The following ACAP2 variants were observed in gnomAD, a reference collection of about 807,000 sequenced individuals.
ACAP2 encodes arf-GAP with coiled-coil, ANK repeat and PH domain-containing protein 2.
In ACAP2, 39 loss-of-function variants were observed where a neutral mutation model predicts 115.8. The observed-to-expected ratio is 0.34, with a 90% confidence interval of 0.26 to 0.44. The LOEUF (loss-of-function observed/expected upper bound fraction) is 0.44. Among genes scored for constraint, ACAP2 ranks in the 20% least tolerant of loss-of-function variants. The pLI is 1.00. For synonymous variants in ACAP2, 289 were observed against 315.8 expected (o/e 0.92, Z 0.90); for missense variants, 662 against 927.6 (o/e 0.71, Z 3.72).
At chr3:195,348,507 C>T (rs1487627187) in intron 4 of ACAP2, among the ~76,000 whole-genome samples, 1 of 151,572 alleles carries the variant, frequency 6.6e-6, no homozygotes, top group Non-Finnish European at 1.5e-5. Context: ...AACGGAAGAA[C>T]AAAACCAAAG....
At chr3:195,296,470 G>A (rs1450732412) in intron 16 of ACAP2, among the ~76,000 whole-genome samples, 1 of 152,042 alleles carries the variant, frequency 6.6e-6, no homozygotes, top group Non-Finnish European at 1.5e-5. Context: ...TAAAATAGAA[G>A]GCTATTTCAA....
intron 6 of ACAP2, among the ~76,000 whole-genome samples, chr3:195,341,212 CTA>C (rs1730842793): frequency 6.6e-6 from 1 of 151,950 alleles, no homozygotes. Context: ...CTTTGGAGAC[CTA>C]TCACTTTCAG....
intron 1 of ACAP2, 57 bp downstream of exon 1, chr3:195,442,737 AC>A: frequency 6.6e-7 from 1 of 1,507,952 alleles, no homozygotes; most frequent in Non-Finnish European, 8.9e-7. Flanking sequence ...CCCGGCTTTC[AC>A]GCCCCCAGCG....
chr3:195,300,482 C>T (rs921618354), intron 15 of ACAP2, among the ~76,000 whole-genome samples: 1 of 152,028 alleles, frequency 6.6e-6, no homozygotes, highest in Admixed American at 6.6e-5. Flanking sequence ...TATCAGAAAC[C>T]GGTAGTGGTC....
chr3:195,331,382 A>T (rs533359984), intron 8 of ACAP2, among the ~76,000 whole-genome samples: 1 of 151,326 alleles, frequency 6.6e-6, no homozygotes, highest in East Asian at 2.0e-4. Flanking sequence ...CCCAGGCTGG[A>T]GTACAATGGC....
chr3:195,411,907 A>T (rs568720763), intron 1 of ACAP2, among the ~76,000 whole-genome samples: 21 of 151,720 alleles, frequency 1.4e-4, no homozygotes, highest in African/African-American at 4.8e-4. Flanking sequence ...AAAAAAAAAA[A>T]CTCACAATGA....
chr3:195,366,620 TGTTTC>T (rs956915628), intron 4 of ACAP2, among the ~76,000 whole-genome samples: 2 of 152,230 alleles, frequency 1.3e-5, no homozygotes, highest in African/African-American at 4.8e-5. Context: ...AACAATCCAC[TGTTTC>T]TTAAACTGGG....
At chr3:195,420,017 T>C (rs1714044687) in intron 1 of ACAP2, among the ~76,000 whole-genome samples, 1 of 152,232 alleles carries the variant, frequency 6.6e-6, no homozygotes, top group East Asian at 1.9e-4. Flanking sequence ...AACTTTAAAA[T>C]GCTGACTGAC....
chr3:195,410,399 A>T (rs1264345297), intron 1 of ACAP2, among the ~76,000 whole-genome samples: 2 of 152,236 alleles, frequency 1.3e-5, no homozygotes, highest in African/African-American at 4.8e-5. Context: ...AGGCAACAAA[A>T]GACAACAGAC....
At chr3:195,356,140 C>T (rs1446224576) in intron 4 of ACAP2, 2 of 456,632 alleles carry the variant, frequency 4.4e-6, no homozygotes, top group Non-Finnish European at 8.8e-6. Context: ...AGCCCTCCCC[C>T]ATGCGCTCGT....
At chr3:195,306,736 T>A in intron 12 of ACAP2, 120 bp from the exon 13 acceptor site, 1 of 704,230 alleles carries the variant, frequency 1.4e-6, no homozygotes, top group South Asian at 2.1e-5. Context: ...TATATATAAT[T>A]TGTTGAAAGA....
intron 1 of ACAP2, among the ~76,000 whole-genome samples, chr3:195,427,062 A>C (rs2108848614): frequency 6.6e-6 from 1 of 152,258 alleles, no homozygotes; most frequent in East Asian, 1.9e-4. Context: ...CTGGAATGTC[A>C]GCCCAACATT....
chr3:195,360,828 G>GA lies in ACAP2; in HGVS notation c.286-15512dup, dbSNP rs796896996. 1.2e-3 allele frequency among the ~76,000 whole-genome samples: 174 copies of GA among 147,154 alleles called. 1 individual carries two copies. Among genetic ancestry groups the GA allele is most frequent in the East Asian group, 9.9e-3 (50 of 5,062 alleles). ...AATAAAAAAAAAAGGAAAAAGAAAAGAAAAAAAAAATCTGTACTATAGACC... is the reference window on the plus strand; with the variant it reads ...AATAAAAAAAAAAGGAAAAAGAAAAGAAAAAAAAAAATCTGTACTATAGACC... On this transcript the variant is annotated intron_variant, in intron 4 of 22. Transcript: ENST00000326793.
intron 15 of ACAP2, among the ~76,000 whole-genome samples, chr3:195,300,926 G>A (rs901709763): frequency 3.3e-5 from 5 of 152,128 alleles, no homozygotes; most frequent in Admixed American, 6.5e-5. Context: ...TCTGCAGCAC[G>A]AGGATTCTTT....
chr3:195,376,253 G>A (rs1033562723), intron 4 of ACAP2, among the ~76,000 whole-genome samples: 2 of 152,122 alleles, frequency 1.3e-5, no homozygotes, highest in African/African-American at 4.8e-5. Flanking sequence ...CGCTAGCCGG[G>A]TGTGGTGGTG....
Position 195,344,238 on chromosome 3 carries a change from AC to A in ACAP2, c.344+1020del, listed in dbSNP as rs1731056394. ...GTCTCTATATTTAAAAAAGAAAAAA[AC>A]AAAAGAAAAGAAACTGTAATACATA... On this transcript the variant is annotated intron_variant, in intron 5 of 22. Coordinates refer to ENST00000326793, the MANE Select transcript of ACAP2 (RefSeq NM_012287.6). 3.3e-5 allele frequency among the ~76,000 whole-genome samples: 5 copies of A among 152,256 alleles called. No individual in the cohort carries two copies. In the South Asian group the frequency reaches 1.0e-3, roughly 32 times the overall value.
intron 18 of ACAP2, 24 bp from the exon 19 acceptor site, chr3:195,292,476 C>A: frequency 1.9e-6 from 3 of 1,558,972 alleles, no homozygotes; most frequent in South Asian, 2.4e-5. Context: ...ACATACACAT[C>A]AATAAAAATG....
chr3:195,371,476 G>C (rs1733138015), intron 4 of ACAP2, among the ~76,000 whole-genome samples: 1 of 152,088 alleles, frequency 6.6e-6, no homozygotes, highest in Admixed American at 6.6e-5. Context: ...GGGTTTTCTA[G>C]ATATAGCATC....
Position 195,401,030 on chromosome 3 carries a change from T to A in ACAP2, c.54-8883A>T, listed in dbSNP as rs1314470793. ...CCCAGCAGCATAGCAAGACTCCGTC[T>A]CTGTAATTAACTAATTAATTAACTA... On this transcript the variant is annotated intron_variant, in intron 1 of 22. Transcript: ENST00000326793. Among the ~76,000 whole-genome samples the A allele has an allele frequency of 2.0e-5, 3 of 152,232 alleles. No individual in the cohort carries two copies. In the East Asian group the frequency reaches 5.8e-4, roughly 29 times the overall value.
Sources: gnomAD v4.1 joint callset for allele counts (sites outside exome capture counted in the v4.1 genomes callset) on GRCh38, gnomAD v4.1.1 for gene constraint, MANE v1.5 for transcripts, NCBI Gene and HGNC (gene_info 2026-07-23, HGNC 2026-07-21) for gene names.